Variants in EPG5 observed in about 807,000 individuals in gnomAD.
EPG5 encodes the protein ectopic P granules protein 5 homolog.
Under a neutral mutation model 302.7 loss-of-function variants are expected in EPG5, and 159 were observed. That is an observed-to-expected ratio of 0.53 (90% confidence interval 0.46 to 0.60). The LOEUF (loss-of-function observed/expected upper bound fraction) is 0.60, where lower values mean the gene tolerates loss of function less well. Among genes scored for constraint, EPG5 ranks in the 20% least tolerant of loss-of-function variants. The pLI is 0.00. For synonymous variants in EPG5, 1,158 were observed against 1,136.8 expected (o/e 1.02, Z -0.37); for missense variants, 2,896 against 3,092.4 (o/e 0.94, Z 1.51).
downstream of EPG5, among the ~76,000 whole-genome samples, chr18:45,844,593 G>A (rs1343787282): frequency 1.3e-5 from 2 of 152,104 alleles, no homozygotes; most frequent in Non-Finnish European, 2.9e-5. Context: ...CCAGGGAGAC[G>A]GTCTGAAGGT....
chr18:45,884,887 G>A (rs977930154), intron 29 of EPG5, 76 bp from the exon 30 acceptor site: 4 of 1,037,972 alleles, frequency 3.9e-6, no homozygotes, highest in South Asian at 1.9e-5. Context: ...AATTTTTAAG[G>A]GGCACCAAAT....
chr18:45,945,652 C>A (rs1211732830), intron 7 of EPG5, among the ~76,000 whole-genome samples: 3 of 152,172 alleles, frequency 2.0e-5, no homozygotes, highest in African/African-American at 7.2e-5. Context: ...AAAAAGACTT[C>A]TCCCCCAAGA....
Position 45,917,834 on chromosome 18 carries a change from A to T in EPG5, c.3099-15T>A. On this transcript the variant is annotated splice_polypyrimidine_tract_variant and intron_variant, in intron 16 of 43. Transcript: ENST00000282041. ...ACTTCTCAATGCTATGGAAAAAGAG[A>T]AAGGCACTGAATACACAAGGGAGCT... 6.2e-7 allele frequency: 1 copy of T among 1,613,884 alleles called. No individual in the cohort carries two copies.
At chr18:45,801,689 T>G in the EPG5 span, among the ~76,000 whole-genome samples, 4 of 152,180 alleles carry the variant, frequency 2.6e-5, no homozygotes, top group Admixed American at 2.6e-4. Context: ...CCCCTGTTCC[T>G]TCCCTTCTCC....
At chr18:45,913,968 T>C (rs2049970483) in intron 20 of EPG5, 140 bp from the exon 21 acceptor site, 3 of 935,144 alleles carry the variant, frequency 3.2e-6, no homozygotes, top group African/African-American at 1.7e-5. Flanking sequence ...ATTAACACCT[T>C]TTTATACCTA....
At chr18:45,838,636 G>T in the EPG5 span, 1 of 1,443,094 alleles carries the variant, frequency 6.9e-7, no homozygotes, top group South Asian at 1.4e-5. Context: ...CTTCTGACCA[G>T]CCCCCACCCC....
chr18:45,962,960 G>A (rs928931821), intron 1 of EPG5, among the ~76,000 whole-genome samples: 2 of 152,074 alleles, frequency 1.3e-5, no homozygotes, highest in Non-Finnish European at 2.9e-5. Context: ...TTTTTCATCC[G>A]TTTTCTCATA....
chr18:45,853,278 G>A (rs751057113), intron 43 of EPG5, among the ~76,000 whole-genome samples: 4 of 152,172 alleles, frequency 2.6e-5, no homozygotes, highest in African/African-American at 7.2e-5. Flanking sequence ...GGTTCCTCCC[G>A]AATCCATCTG....
Position 45,925,734 on chromosome 18 carries a change from A to C in EPG5, c.2718+4T>G, listed in dbSNP as rs2050252787. On this transcript the variant is annotated splice_donor_region_variant and intron_variant, in intron 14 of 43. Transcript: ENST00000282041. ...AGTCTCCAGGGAATGGTTTGAACACATACCTGTTTAGCAAATCCCCAATTC... is the reference window on the plus strand; with the variant it reads ...AGTCTCCAGGGAATGGTTTGAACACCTACCTGTTTAGCAAATCCCCAATTC... 1.3e-6 allele frequency: 2 copies of C among 1,523,822 alleles called. No homozygotes were observed. Among genetic ancestry groups the C allele is most frequent in the South Asian group, 2.7e-5 (2 of 74,940 alleles). 94.4% of individuals were successfully genotyped at this position (1,523,822 alleles called of 1,614,324 possible).
At chr18:45,926,414 A>C (rs1420695568) in intron 13 of EPG5, among the ~76,000 whole-genome samples, 3 of 152,204 alleles carry the variant, frequency 2.0e-5, no homozygotes, top group Non-Finnish European at 4.4e-5. Flanking sequence ...CCATTATACC[A>C]TACTATTCTC....
intron 3 of EPG5, among the ~76,000 whole-genome samples, chr18:45,951,632 T>C (rs1013020446): frequency 6.6e-6 from 1 of 152,114 alleles, no homozygotes; most frequent in African/African-American, 2.4e-5. Context: ...CTAGTTTTTG[T>C]ATTTTTAGTA....
chr18:45,868,085 G>A, intron 36 of EPG5: 2 of 469,878 alleles, frequency 4.3e-6, no homozygotes, highest in South Asian at 1.5e-5. Flanking sequence ...GAATCCTCAG[G>A]TGTGCCAGGA....
downstream of EPG5, among the ~76,000 whole-genome samples, chr18:45,845,520 G>A (rs953601648): frequency 1.3e-5 from 2 of 152,182 alleles, no homozygotes; most frequent in African/African-American, 4.8e-5. Context: ...TCTGGGTGGA[G>A]CAGAGCTGCC....
intron 28 of EPG5, among the ~76,000 whole-genome samples, 162 bp from the exon 29 acceptor site, chr18:45,888,069 T>A (rs962290494): frequency 2.6e-5 from 4 of 152,062 alleles, no homozygotes; most frequent in African/African-American, 9.7e-5. Context: ...AATATATGTA[T>A]CTTCCAATTT....
At chr18:45,938,481 T>G (rs1314465061) in intron 10 of EPG5, among the ~76,000 whole-genome samples, 1 of 146,122 alleles carries the variant, frequency 6.8e-6, no homozygotes, top group Non-Finnish European at 1.5e-5. Context: ...AAAAAAAAGA[T>G]AAATTTCTAT....
At chr18:45,880,501 C>A (rs1374829179) in intron 31 of EPG5, among the ~76,000 whole-genome samples, 3 of 152,216 alleles carry the variant, frequency 2.0e-5, no homozygotes, top group East Asian at 1.9e-4. Context: ...GAGACCTGAC[C>A]CTCCGACCCT....
At chr18:45,871,721 T>C (rs1372366833) in intron 35 of EPG5, among the ~76,000 whole-genome samples, 3 of 152,170 alleles carry the variant, frequency 2.0e-5, no homozygotes, top group Admixed American at 6.5e-5. Flanking sequence ...ATGTGGAATC[T>C]AGTAAGTTGA....
chr18:45,894,389 G>A (rs1250798585), intron 27 of EPG5, among the ~76,000 whole-genome samples: 1 of 152,078 alleles, frequency 6.6e-6, no homozygotes, highest in African/African-American at 2.4e-5. Context: ...GAACCCAGGA[G>A]GCGGAGGATG....
intron 16 of EPG5, 128 bp from the exon 17 acceptor site, chr18:45,917,947 T>C: frequency 1.2e-6 from 1 of 832,842 alleles, no homozygotes. Context: ...TTATACCCAA[T>C]CTTCACACAG....
Sources: allele counts gnomAD v4.1 joint callset (sites outside exome capture counted in the v4.1 genomes callset), GRCh38; gene constraint gnomAD v4.1.1; transcripts MANE v1.5; gene names NCBI Gene and HGNC (gene_info 2026-07-23, HGNC 2026-07-21).